RAPGEF4: variants seen among roughly 807,000 people sequenced by gnomAD.
The protein encoded by RAPGEF4 is RAP guanine-nucleotide-exchange factor (GEF) 4.
In RAPGEF4, 66 loss-of-function variants were observed where a neutral mutation model predicts 147.9. The ratio of observed to expected loss-of-function variants is 0.45; its 90% CI spans 0.37 to 0.55. RAPGEF4 has a LOEUF of 0.55. Ranked by LOEUF, RAPGEF4 falls within the 20% of genes least tolerant of loss-of-function variation. The pLI, the probability that RAPGEF4 is intolerant of heterozygous loss-of-function variation, is 0.00. For synonymous variants in RAPGEF4, 419 were observed against 442.7 expected (o/e 0.95, Z 0.67); for missense variants, 1,071 against 1,257.3 (o/e 0.85, Z 2.24).
chr2:172,999,022 TG>T (rs1191688389), intron 16 of RAPGEF4, among the ~76,000 whole-genome samples: 1 of 152,222 alleles, frequency 6.6e-6, no homozygotes, highest in Non-Finnish European at 1.5e-5. Context: ...TGTTTAGTTT[TG>T]TTTTTTTAAT....
At chr2:172,960,396 G>C (rs1182973572) in intron 6 of RAPGEF4, among the ~76,000 whole-genome samples, 1 of 152,138 alleles carries the variant, frequency 6.6e-6, no homozygotes. Flanking sequence ...CCTGGAGACA[G>C]GTCATTTTAA....
chr2:172,858,683 T>C (rs1209232915), intron 4 of RAPGEF4, among the ~76,000 whole-genome samples: 3 of 152,244 alleles, frequency 2.0e-5, no homozygotes, highest in Admixed American at 6.5e-5. Context: ...ATTTTTAAAA[T>C]AATTTATCTG....
intron 4 of RAPGEF4, among the ~76,000 whole-genome samples, chr2:172,914,319 ATTTTTTTTTTTTTTTT>A (rs573065663): frequency 3.0e-4 from 19 of 62,450 alleles, no homozygotes; most frequent in African/African-American, 8.3e-4. Flanking sequence ...GGAAATATGC[ATTTTTTTTTTTTTTTT>A]TTTTTTTTTT....
chr2:172,876,341 A>G (rs1162868754), intron 4 of RAPGEF4, among the ~76,000 whole-genome samples: 1 of 152,088 alleles, frequency 6.6e-6, no homozygotes, highest in East Asian at 1.9e-4. Context: ...TTCAAAGGGA[A>G]TGCTTCCAGT....
At chr2:172,858,845 T>A (rs925462418) in intron 4 of RAPGEF4, among the ~76,000 whole-genome samples, 2 of 152,152 alleles carry the variant, frequency 1.3e-5, no homozygotes, top group African/African-American at 2.4e-5. Flanking sequence ...CTGACTGAAA[T>A]TTTGAAAAAC....
intron 10 of RAPGEF4, among the ~76,000 whole-genome samples, chr2:172,976,729 G>C (rs1164927159): frequency 6.6e-6 from 1 of 152,160 alleles, no homozygotes; most frequent in African/African-American, 2.4e-5. Flanking sequence ...TGTGCTGCTT[G>C]ATGGCTGGAT....
chr2:172,956,954 C>T (rs965002341), intron 6 of RAPGEF4, among the ~76,000 whole-genome samples: 1 of 152,216 alleles, frequency 6.6e-6, no homozygotes, highest in African/African-American at 2.4e-5. Context: ...AACACAGACT[C>T]TTCCAAAGGG....
chr2:172,988,359 A>C (rs1380971294), intron 13 of RAPGEF4, 87 bp downstream of exon 13: 5 of 1,502,622 alleles, frequency 3.3e-6, no homozygotes, highest in Admixed American at 5.0e-5. Flanking sequence ...GCCACAATTA[A>C]ATTTGCAACA....
intron 4 of RAPGEF4, among the ~76,000 whole-genome samples, chr2:172,857,491 T>G (rs6722987): frequency 6.6e-6 from 1 of 152,258 alleles, no homozygotes; most frequent in African/African-American, 2.4e-5. Flanking sequence ...ACAAGTTGCA[T>G]TCAAGGATCA....
At chr2:172,834,880 TC>T (rs1690753418) in intron 4 of RAPGEF4, among the ~76,000 whole-genome samples, 1 of 152,236 alleles carries the variant, frequency 6.6e-6, no homozygotes, top group African/African-American at 2.4e-5. Context: ...TTGATTTTTT[TC>T]TTAGGTGAAA....
chr2:172,990,116 C>T (rs976388936), intron 14 of RAPGEF4, among the ~76,000 whole-genome samples: 12 of 151,362 alleles, frequency 7.9e-5, no homozygotes, highest in Middle Eastern at 3.5e-3. Flanking sequence ...TCTTATCTGA[C>T]CTCTTTTTAA....
intron 29 of RAPGEF4, among the ~76,000 whole-genome samples, chr2:173,037,821 G>A (rs1333396961): frequency 6.6e-6 from 1 of 152,074 alleles, no homozygotes; most frequent in East Asian, 1.9e-4. Context: ...ACAGAAAATG[G>A]GAATCATGCC....
chr2:173,014,350 C>T (rs1247708975), intron 17 of RAPGEF4, 114 bp from the exon 18 acceptor site: 1 of 1,327,708 alleles, frequency 7.5e-7, no homozygotes, highest in Non-Finnish European at 1.1e-6. Context: ...GGGAGGAATT[C>T]TATCCATCTA....
chr2:172,948,838 C>T (rs1687938660), intron 6 of RAPGEF4, among the ~76,000 whole-genome samples: 1 of 152,176 alleles, frequency 6.6e-6, no homozygotes, highest in Admixed American at 6.5e-5. Context: ...CGATCAGGAA[C>T]AATAACTAAT....
chr2:172,946,149 C>A (rs970606644), intron 6 of RAPGEF4, among the ~76,000 whole-genome samples: 1 of 152,016 alleles, frequency 6.6e-6, no homozygotes, highest in South Asian at 2.1e-4. Flanking sequence ...GAGTTTATAG[C>A]AACATGTAAA....
At chr2:172,849,855 T>A (rs1179778270) in intron 4 of RAPGEF4, among the ~76,000 whole-genome samples, 2 of 152,252 alleles carry the variant, frequency 1.3e-5, no homozygotes, top group Non-Finnish European at 2.9e-5. Context: ...CTTACTAAAA[T>A]GCTGTGCTTT....
At chr2:172,771,758 T>A (rs1683640540) in intron 1 of RAPGEF4, among the ~76,000 whole-genome samples, 1 of 152,162 alleles carries the variant, frequency 6.6e-6, no homozygotes, top group Non-Finnish European at 1.5e-5. Flanking sequence ...AAATTATTTT[T>A]AATGTTATAT....
chr2:172,864,836 T>A (rs147195576), intron 4 of RAPGEF4, among the ~76,000 whole-genome samples: 60 of 152,290 alleles, frequency 3.9e-4, no homozygotes, highest in African/African-American at 1.4e-3. Flanking sequence ...ACCTGGGAGA[T>A]AGAGGTTGCA....
chr2:172,835,332 T>C (rs1008963179), intron 4 of RAPGEF4, among the ~76,000 whole-genome samples: 1 of 152,252 alleles, frequency 6.6e-6, no homozygotes, highest in African/African-American at 2.4e-5. Context: ...ATTACTGGTG[T>C]GTTGTTAGTG....
Sources: gnomAD v4.1 joint callset for allele counts (sites outside exome capture counted in the v4.1 genomes callset) on GRCh38, gnomAD v4.1.1 for gene constraint, MANE v1.5 for transcripts, NCBI Gene and HGNC (gene_info 2026-07-23, HGNC 2026-07-21) for gene names.